Variants in PARP16 observed in about 807,000 individuals in gnomAD.
The protein encoded by PARP16 is poly(ADP-ribose) polymerase family member 16, also known as protein mono-ADP-ribosyltransferase PARP16.
In PARP16, 31 loss-of-function variants were observed where a neutral mutation model predicts 35.0. The ratio of observed to expected loss-of-function variants is 0.88; its 90% CI spans 0.66 to 1.19. The LOEUF (loss-of-function observed/expected upper bound fraction) is 1.19. PARP16 is among the 50% of genes most tolerant of loss of function. The probability of loss-of-function intolerance (pLI) is 0.00; values close to 1 mark genes in which losing one functional copy is unlikely to be tolerated. For synonymous variants in PARP16, 162 were observed against 169.5 expected (o/e 0.96, Z 0.34); for missense variants, 424 against 411.2 (o/e 1.03, Z -0.27).
chr15:65,236,308 T>C (rs190501119), intron 3 of PARP16, among the ~76,000 whole-genome samples: 1 of 152,210 alleles, frequency 6.6e-6, no homozygotes, highest in African/African-American at 2.4e-5. Flanking sequence ...ATTACAAATA[T>C]GTACACAATT....
chr15:65,270,672 G>A (rs564979802), intron 2 of PARP16, among the ~76,000 whole-genome samples: 12 of 152,304 alleles, frequency 7.9e-5, no homozygotes, highest in African/African-American at 1.2e-4. Context: ...ATGAGGAAGC[G>A]GAGGGACTGA....
At chr15:65,232,858 A>T (rs1306120749), downstream of PARP16, among the ~76,000 whole-genome samples, 1 of 152,026 alleles carries the variant, frequency 6.6e-6, no homozygotes, top group Non-Finnish European at 1.5e-5. Flanking sequence ...CAAGTTCAAG[A>T]CCACCCTAGC....
downstream of PARP16, among the ~76,000 whole-genome samples, chr15:65,255,815 G>A (rs1197266941): frequency 6.6e-6 from 1 of 151,546 alleles, no homozygotes; most frequent in Non-Finnish European, 1.5e-5. Context: ...GGAATGAGAG[G>A]CCCACTCCTC....
chr15:65,269,172 G>GTT (rs1202398661), intron 2 of PARP16, among the ~76,000 whole-genome samples: 1 of 47,118 alleles, frequency 2.1e-5, no homozygotes, highest in East Asian at 1.4e-3. Flanking sequence ...ATTTTAGTCG[G>GTT]TTTTTTTCTT....
downstream of PARP16, among the ~76,000 whole-genome samples, chr15:65,254,065 G>A (rs994112392): frequency 2.0e-5 from 3 of 152,166 alleles, no homozygotes; most frequent in African/African-American, 7.2e-5. Context: ...TGATCTGCCC[G>A]CCTCAGCCTT....
In PARP16 at chr15:65,260,932, C is replaced by T. The variant is rs1324987859; in HGVS notation, c.786G>A (p.Leu262=). Residue 262 remains leucine, a synonymous_variant, in exon 5 of 6, where the codon CTG becomes CTA. Transcript: ENST00000649807. ...ACACCAGGAGGTACTTCACTCGCAGCAGCTGGTTATTGGTGACCACGAAGT... is the reference window on the plus strand; with the variant it reads ...ACACCAGGAGGTACTTCACTCGCAGTAGCTGGTTATTGGTGACCACGAAGT... ...PKYFVVTNNQ[L]LRVKYLLVYS... is the part of the protein sequence containing the mutation. 2 of 1,614,048 alleles carry T rather than the reference C, an allele frequency of 1.2e-6. No individual in the cohort carries two copies. Among genetic ancestry groups the T allele is most frequent in the Non-Finnish European group, 1.7e-6 (2 of 1,179,964 alleles).
chr15:65,284,219 A>G (rs925222382), intron 1 of PARP16, among the ~76,000 whole-genome samples: 4 of 152,126 alleles, frequency 2.6e-5, no homozygotes, highest in Non-Finnish European at 5.9e-5. Context: ...CCTGGGATGA[A>G]CCCAACCTGG....
At chr15:65,267,629 TTAAA>T (rs144919213) in intron 2 of PARP16, among the ~76,000 whole-genome samples, 51,518 of 132,822 alleles carry the variant, frequency 0.39, 12,061 homozygotes, top group East Asian at 0.87. Flanking sequence ...AATTAATTAA[TTAAA>T]TAATAATTAA....
intron 1 of PARP16, among the ~76,000 whole-genome samples, chr15:65,276,964 A>C (rs62012559): frequency 0.4 from 60,742 of 151,054 alleles, 13,795 homozygotes; most frequent in East Asian, 0.86. Flanking sequence ...CCTGGGCAAC[A>C]AGAGTCAAAC....
Position 65,286,335 on chromosome 15 carries a change from A to C in PARP16, c.92T>G (p.Leu31Arg). 6.2e-7 allele frequency: 1 copy of C among 1,603,334 alleles called. No homozygotes were observed. Among genetic ancestry groups the C allele is most frequent in the Non-Finnish European group, 8.5e-7 (1 of 1,176,272 alleles). ...CACCGAGTCGCGCTTGTAGCTCTGC[A>C]GGGCCGAGGCGAAGAGGCTGCACCG... is the stretch of plus-strand genomic sequence containing the variant. ...DLRCSLFASALQSYKRDSVLR... is the reference protein window; with the variant it reads ...DLRCSLFASARQSYKRDSVLR... Residue 31 changes from leucine (L) to arginine (R), a missense_variant, in exon 1 of 6, where the codon CTG (leucine) becomes CGG (arginine). Transcript: ENST00000649807.
intron 2 of PARP16, among the ~76,000 whole-genome samples, chr15:65,268,559 C>T (rs1237210709): frequency 6.6e-6 from 1 of 152,180 alleles, no homozygotes; most frequent in Admixed American, 6.5e-5. Context: ...AATCCTCTAT[C>T]CTCAGTTTCT....
At chr15:65,254,253 C>G (rs2140795504), downstream of PARP16, among the ~76,000 whole-genome samples, 2 of 152,344 alleles carry the variant, frequency 1.3e-5, no homozygotes, top group East Asian at 3.9e-4. Flanking sequence ...TTGAAAAACC[C>G]TTTCCAGGTG....
chr15:65,262,123 C>T (rs1052234278), intron 4 of PARP16, among the ~76,000 whole-genome samples: 3 of 148,026 alleles, frequency 2.0e-5, no homozygotes, highest in Non-Finnish European at 4.5e-5. Flanking sequence ...CAAGCCAGAT[C>T]TTTTTTCTTT....
downstream of PARP16, among the ~76,000 whole-genome samples, chr15:65,256,902 G>A (rs1259949144): frequency 1.3e-5 from 2 of 152,190 alleles, no homozygotes; most frequent in African/African-American, 4.8e-5. Context: ...TCTGGGGGAA[G>A]GAGATTGGTT....
rs143588412 is a variant in PARP16 at position 65,259,537 on chromosome 15, G to A, written c.839C>T (p.Ser280Leu). Residue 280 changes from serine (S) to leucine (L), a missense_variant, in exon 6 of 6, where the codon TCG becomes TTG. Transcript: ENST00000649807. ...VYSQKPPKRA[S>L]SQLSWFSSHW... ...GCTGGAAAACCAGGAGAGCTGGCTC[G>A]AAGCCCTGCTTAAGAGGGAAAAAAG... The A allele has an allele frequency of 4.3e-6, 7 of 1,613,906 alleles. No individual in the cohort carries two copies. Among genetic ancestry groups the A allele is most frequent in the Admixed American group, 1.7e-5 (1 of 59,998 alleles).
chr15:65,237,116 G>A (rs1273087603), intron 3 of PARP16, among the ~76,000 whole-genome samples: 1 of 151,244 alleles, frequency 6.6e-6, no homozygotes, highest in African/African-American at 2.4e-5. Flanking sequence ...GCTGAGTCAG[G>A]CCTGGGAGGG....
intron 1 of PARP16, chr15:65,285,504 T>G: frequency 2.5e-6 from 1 of 399,926 alleles, no homozygotes; most frequent in South Asian, 2.0e-5. Flanking sequence ...AATTAAATGG[T>G]GACAGCTTTG....
At chr15:65,231,566 C>T (rs752745369), downstream of PARP16, among the ~76,000 whole-genome samples, 15 of 151,880 alleles carry the variant, frequency 9.9e-5, no homozygotes, top group Middle Eastern at 6.8e-3. Context: ...TCTTGTGCCT[C>T]GCCCTCCAGA....
chr15:65,244,136 C>T (rs546375402), intron 3 of PARP16, among the ~76,000 whole-genome samples: 7 of 152,270 alleles, frequency 4.6e-5, no homozygotes, highest in African/African-American at 1.7e-4. Context: ...CATTCTCAAT[C>T]TCCAGGTCTC....
Sources: allele counts gnomAD v4.1 joint callset (sites outside exome capture counted in the v4.1 genomes callset), GRCh38; gene constraint gnomAD v4.1.1; transcripts MANE v1.5; gene names NCBI Gene and HGNC (gene_info 2026-07-23, HGNC 2026-07-21).